STX17: variants seen among roughly 807,000 people sequenced by gnomAD.
STX17 encodes the protein syntaxin-17.
In STX17, 29 loss-of-function variants were observed where a neutral mutation model predicts 35.9. The observed-to-expected ratio is 0.81, with a 90% CI of 0.60 to 1.10. The LOEUF is 1.10. STX17 is among the 50% of genes least tolerant of loss of function. The pLI is 0.00. For synonymous variants in STX17, 92 were observed against 118.3 expected (o/e 0.78, Z 1.44); for missense variants, 312 against 352.3 (o/e 0.89, Z 0.92).
At chr9:99,951,369 C>A in intron 4 of STX17, 84 bp downstream of exon 4, 1 of 1,265,708 alleles carries the variant, frequency 7.9e-7, no homozygotes, top group Non-Finnish European at 1.1e-6. Context: ...ACTGAATTAT[C>A]TATAGGTCTT....
Position 99,968,888 on chromosome 9 carries a change from A to G in STX17, c.*215A>G, listed in dbSNP as rs1298401023. 1.7e-5 allele frequency: 9 copies of G among 528,458 alleles called. No individual in the cohort carries two copies. The highest frequency in any genetic ancestry group is 2.4e-5 in the Non-Finnish European group (8 of 337,030). 32.7% of individuals were successfully genotyped at this position (528,458 alleles called of 1,614,324 possible). On this transcript the variant is annotated 3_prime_UTR_variant, in exon 8 of 8. Transcript: ENST00000259400. ...TGAGGCCCTGGGCTGAGGGTATATAATGTATGTCAGGTAAAGTTTGAAGAC... is the reference window on the plus strand; with the variant it reads ...TGAGGCCCTGGGCTGAGGGTATATAGTGTATGTCAGGTAAAGTTTGAAGAC...
chr9:99,957,450 AC>A (rs1254539655), intron 4 of STX17, among the ~76,000 whole-genome samples: 1 of 152,130 alleles, frequency 6.6e-6, no homozygotes, highest in African/African-American at 2.4e-5. Context: ...TATCTCTGGC[AC>A]CCTAACACAA....
intron 3 of STX17, among the ~76,000 whole-genome samples, chr9:99,933,199 G>T (rs1332895905): frequency 6.6e-6 from 1 of 151,908 alleles, no homozygotes; most frequent in East Asian, 1.9e-4. Context: ...GATTTCTGTG[G>T]TGCTACTTCT....
intron 3 of STX17, among the ~76,000 whole-genome samples, chr9:99,936,788 TA>T (rs1170607921): frequency 6.6e-6 from 1 of 152,166 alleles, no homozygotes; most frequent in Non-Finnish European, 1.5e-5. Context: ...AATATTTAAA[TA>T]GGCATTTATT....
At chr9:99,966,584 A>G (rs1331922671) in intron 6 of STX17, among the ~76,000 whole-genome samples, 2 of 152,212 alleles carry the variant, frequency 1.3e-5, no homozygotes, top group East Asian at 3.8e-4. Flanking sequence ...TCTAGGATCA[A>G]AGAGAGATTC....
intron 3 of STX17, among the ~76,000 whole-genome samples, chr9:99,942,744 T>A (rs1284569947): frequency 6.6e-6 from 1 of 152,218 alleles, no homozygotes; most frequent in African/African-American, 2.4e-5. Flanking sequence ...TTTATTTTTT[T>A]TTCATAAGGA....
intron 3 of STX17, among the ~76,000 whole-genome samples, chr9:99,943,831 G>C (rs932930116): frequency 3.3e-5 from 5 of 152,160 alleles, no homozygotes; most frequent in African/African-American, 7.2e-5. Context: ...TAAAGAGTTA[G>C]AGGATGGTCT....
At chr9:99,923,168 G>A (rs964407589) in intron 2 of STX17, among the ~76,000 whole-genome samples, 1 of 151,568 alleles carries the variant, frequency 6.6e-6, no homozygotes, top group African/African-American at 2.4e-5. Context: ...ATATGGGCAG[G>A]AATATCACAT....
rs551822711 is a variant in STX17 at position 99,947,453 on chromosome 9, C to A, written c.190-3607C>A. On this transcript the variant is annotated intron_variant, in intron 3 of 7. Transcript: ENST00000259400. ...TTGTTTTTGCTGTTTCTTCCTCATG[C>A]TGCATATGTCCTCATGTGCTTGGTA... Among the ~76,000 whole-genome samples the A allele has an allele frequency of 1.4e-4, 22 of 152,240 alleles. No homozygotes were observed. In the South Asian group the frequency reaches 3.1e-3, roughly 22 times the overall value.
At chr9:99,908,732 T>C (rs944924538) in intron 1 of STX17, among the ~76,000 whole-genome samples, 2 of 152,154 alleles carry the variant, frequency 1.3e-5, no homozygotes, top group Admixed American at 6.5e-5. Flanking sequence ...CCGTAGTTTC[T>C]TTTTTTGGAG....
intron 3 of STX17, among the ~76,000 whole-genome samples, chr9:99,947,439 G>GT (rs1829506513): frequency 6.6e-6 from 1 of 152,010 alleles, no homozygotes; most frequent in South Asian, 2.1e-4. Context: ...TGTTTTTGCT[G>GT]TTTCTTCCTC....
intron 3 of STX17, among the ~76,000 whole-genome samples, chr9:99,941,277 A>C (rs1265599845): frequency 6.6e-6 from 1 of 152,192 alleles, no homozygotes; most frequent in Non-Finnish European, 1.5e-5. Context: ...GAAATTAGAC[A>C]CAATCCCCGT....
At chr9:99,951,509 AGTACCC>A (rs1229185084) in intron 4 of STX17, among the ~76,000 whole-genome samples, 1 of 152,030 alleles carries the variant, frequency 6.6e-6, no homozygotes, top group Non-Finnish European at 1.5e-5. Flanking sequence ...CTTCAGGGAA[AGTACCC>A]GTTTGTCTAT....
Position 99,968,872 on chromosome 9 carries a change from G to A in STX17, c.*199G>A. 1 of 685,156 alleles carries A rather than the reference G, an allele frequency of 1.5e-6. No homozygotes were observed. The highest frequency in any genetic ancestry group is 1.8e-5 in the African/African-American group (1 of 54,370). 42.4% of individuals were successfully genotyped at this position (685,156 alleles called of 1,614,324 possible). A position where few individuals can be genotyped will look rare whatever the true frequency, so the allele number is the denominator to read the frequency against. Reference sequence around the variant, plus strand: ...GGAGATGTTAAGAGATTGAGGCCCTGGGCTGAGGGTATATAATGTATGTCA... The same window carrying A: ...GGAGATGTTAAGAGATTGAGGCCCTAGGCTGAGGGTATATAATGTATGTCA... On this transcript the variant is annotated 3_prime_UTR_variant, in exon 8 of 8. Coordinates refer to ENST00000259400, the MANE Select transcript of STX17 (RefSeq NM_017919.3).
intron 1 of STX17, among the ~76,000 whole-genome samples, chr9:99,908,343 C>G (rs2118278388): frequency 6.6e-6 from 1 of 152,332 alleles, no homozygotes; most frequent in East Asian, 1.9e-4. Context: ...ATCTTGCCTT[C>G]AGCAATTATT....
chr9:99,944,859 T>C (rs1309784891), intron 3 of STX17, among the ~76,000 whole-genome samples: 1 of 152,158 alleles, frequency 6.6e-6, no homozygotes, highest in Non-Finnish European at 1.5e-5. Context: ...TTGTGGGTTA[T>C]TTAGAAATAT....
intron 4 of STX17, among the ~76,000 whole-genome samples, chr9:99,951,516 G>A (rs940384059): frequency 6.6e-6 from 1 of 151,946 alleles, no homozygotes; most frequent in African/African-American, 2.4e-5. Context: ...GAAAGTACCC[G>A]TTTGTCTATT....
chr9:99,926,145 T>A (rs1309044484), intron 2 of STX17, among the ~76,000 whole-genome samples: 1 of 151,984 alleles, frequency 6.6e-6, no homozygotes, highest in Non-Finnish European at 1.5e-5. Flanking sequence ...CAGGTACTCT[T>A]TTTTTAAATT....
intron 3 of STX17, among the ~76,000 whole-genome samples, chr9:99,942,460 T>A (rs913366886): frequency 6.6e-6 from 1 of 152,124 alleles, no homozygotes; most frequent in Non-Finnish European, 1.5e-5. Context: ...ATCAATCTTA[T>A]AGTTAGTGAT....
Sources: allele counts gnomAD v4.1 joint callset (sites outside exome capture counted in the v4.1 genomes callset), GRCh38; gene constraint gnomAD v4.1.1; transcripts MANE v1.5; gene names NCBI Gene and HGNC (gene_info 2026-07-23, HGNC 2026-07-21).